Variants in DDX4 observed in about 807,000 individuals in gnomAD.
DDX4 encodes the protein DEAD-box helicase 4, also known as probable ATP-dependent RNA helicase DDX4.
Under a neutral mutation model 100.0 loss-of-function variants are expected in DDX4, and 25 were observed. The observed-to-expected ratio is 0.25, with a 90% CI of 0.18 to 0.35. DDX4 has a LOEUF of 0.35. Ranked by LOEUF, DDX4 falls within the 10% of genes least tolerant of loss-of-function variation. The probability of loss-of-function intolerance (pLI) is 1.00; values close to 1 mark genes in which losing one functional copy is unlikely to be tolerated. For synonymous variants in DDX4, 259 were observed against 275.7 expected, an observed-to-expected ratio of 0.94 and a Z score of 0.60; for missense variants, 635 against 882.4, an observed-to-expected ratio of 0.72 and a Z score of 3.55.
At chr5:55,804,944 C>G (rs1209874897) in intron 18 of DDX4, among the ~76,000 whole-genome samples, 2 of 151,512 alleles carry the variant, frequency 1.3e-5, no homozygotes, top group Admixed American at 6.6e-5. Context: ...ATTGATTCTT[C>G]CTACCCATGA....
At position 55,792,755 on chromosome 5, in the gene DDX4, G is replaced by A. The variant is rs757172816; in HGVS notation, c.1417G>A (p.Glu473Lys). ...TTCTTGCCCAGGAATGCCATCAAAG[G>A]AACAGCGCCAAACCCTTATGTTCAG... ...LISCPGMPSKEQRQTLMFSAT... is the reference protein window; with the variant it reads ...LISCPGMPSKKQRQTLMFSAT... Residue 473 changes from glutamate (E) to lysine (K), a missense_variant, in exon 17 of 22, where the codon GAA becomes AAA. This residue lies in a region of DDX4 where 115 missense variants were observed against 224.7 expected (regional missense o/e 0.51). Transcript: ENST00000505374. 7 of 1,598,922 alleles carry A rather than the reference G, an allele frequency of 4.4e-6. No homozygotes were observed. The highest frequency in any genetic ancestry group is 1.7e-4 in the Middle Eastern group (1 of 6,000).
At chr5:55,800,108 A>G (rs1278915212) in intron 18 of DDX4, among the ~76,000 whole-genome samples, 1 of 152,182 alleles carries the variant, frequency 6.6e-6, no homozygotes, top group Non-Finnish European at 1.5e-5. Context: ...TATGGGCCAC[A>G]TACTGTTCTA....
intron 17 of DDX4, among the ~76,000 whole-genome samples, chr5:55,797,153 A>T (rs1003810448): frequency 7.2e-5 from 11 of 152,132 alleles, no homozygotes; most frequent in Admixed American, 2.6e-4. Context: ...CTCAAACTGG[A>T]GGATTTTTCT....
chr5:55,798,356 GA>G (rs1743092019), intron 17 of DDX4, 69 bp from the exon 18 acceptor site: 2 of 1,503,600 alleles, frequency 1.3e-6, no homozygotes, highest in South Asian at 2.6e-5. Context: ...ACACCTACAG[GA>G]ATTCAGTGGA....
chr5:55,769,869 C>CTTT (rs113402904), intron 7 of DDX4, among the ~76,000 whole-genome samples: 1 of 141,422 alleles, frequency 7.1e-6, no homozygotes. Flanking sequence ...CCTTCTTTTA[C>CTTT]TTTTTTTTTT....
In DDX4 at chr5:55,790,788, A is replaced by G. The variant is rs952821749; in HGVS notation, c.1302+83A>G. The G allele has an allele frequency of 1.3e-4, 156 of 1,231,340 alleles. 2 individuals are homozygous for G. Among genetic ancestry groups the G allele is most frequent in the Middle Eastern group, 9.5e-4 (5 of 5,288 alleles). 76.3% of individuals were successfully genotyped at this position (1,231,340 alleles called of 1,614,324 possible). ...AAAGGAAAGAATGAGGTAAAGACAG[A>G]TGTATTTAGTAGAGCACTATTTATG... On this transcript the variant is annotated intron_variant, in intron 16 of 21. Transcript: ENST00000505374.
At chr5:55,800,482 C>T (rs1433760694) in intron 18 of DDX4, among the ~76,000 whole-genome samples, 1 of 152,020 alleles carries the variant, frequency 6.6e-6, no homozygotes, top group African/African-American at 2.4e-5. Context: ...TGCCACCATA[C>T]CCGGCTAATT....
At chr5:55,797,883 G>A (rs1207300065) in intron 17 of DDX4, among the ~76,000 whole-genome samples, 1 of 152,180 alleles carries the variant, frequency 6.6e-6, no homozygotes, top group African/African-American at 2.4e-5. Flanking sequence ...GCCCAATTGT[G>A]CTATGCAAAT....
chr5:55,793,351 G>A (rs1742714270), intron 17 of DDX4, among the ~76,000 whole-genome samples: 1 of 138,198 alleles, frequency 7.2e-6, no homozygotes, highest in Non-Finnish European at 1.5e-5. Context: ...CCAGGCAACA[G>A]CAGAAGCTTA....
intron 8 of DDX4, 104 bp downstream of exon 8, chr5:55,780,169 T>A: frequency 8.5e-7 from 1 of 1,181,518 alleles, no homozygotes; most frequent in Non-Finnish European, 1.2e-6. Flanking sequence ...TATATGAGAA[T>A]AGCTTAGCTC....
At chr5:55,798,609 A>ATT in intron 18 of DDX4, 38 bp downstream of exon 18, 4 of 1,531,488 alleles carry the variant, frequency 2.6e-6, no homozygotes, top group Admixed American at 2.1e-5. Context: ...CATGATTTTG[A>ATT]TTTTTTTTAA....
chr5:55,800,287 C>G (rs1312471805), intron 18 of DDX4, among the ~76,000 whole-genome samples: 1 of 151,150 alleles, frequency 6.6e-6, no homozygotes, highest in Admixed American at 6.6e-5. Context: ...TATGGTTTTG[C>G]TGAAGTTAGA....
At chr5:55,746,713 C>G (rs775108877) in intron 3 of DDX4, among the ~76,000 whole-genome samples, 1 of 152,146 alleles carries the variant, frequency 6.6e-6, no homozygotes, top group Non-Finnish European at 1.5e-5. Context: ...GAACCCATAT[C>G]CTTCCTGTTG....
intron 18 of DDX4, among the ~76,000 whole-genome samples, chr5:55,802,519 A>C (rs1473704850): frequency 6.6e-6 from 1 of 152,198 alleles, no homozygotes; most frequent in Non-Finnish European, 1.5e-5. Flanking sequence ...ATCAGCTTGC[A>C]TGATTCTGTC....
In DDX4 at chr5:55,795,076, C is replaced by G. The variant is rs563689828; in HGVS notation, c.1469+2269C>G. 2.0e-5 allele frequency among the ~76,000 whole-genome samples: 3 copies of G among 152,150 alleles called. No homozygotes were observed. In the East Asian group the frequency reaches 5.8e-4, roughly 29 times the overall value. On this transcript the variant is annotated intron_variant, in intron 17 of 21. Transcript: ENST00000505374. ...CGCCTCCAGGGTTCAAGCGACTCTC[C>G]TCCCTCAGCCTCCTGAGTGGCTGGG...
chr5:55,773,201 A>T (rs1204171028), intron 7 of DDX4: 1 of 152,378 alleles, frequency 6.6e-6, no homozygotes, highest in Non-Finnish European at 1.5e-5. Context: ...GGATAAGGCC[A>T]GGCAGCTCTC....
Position 55,738,990 on chromosome 5 carries a change from A to C in DDX4, c.27A>C (p.Glu9Asp). The change falls in exon 2 of 22, where the codon GAA (glutamate) becomes GAC (aspartate). Residue 9 changes from glutamate (E) to aspartate (D), a missense_variant. By Grantham distance (45) the Glu-to-Asp change is conservative. Around this residue, in one of 4 missense-constraint regions of DDX4, gnomAD observed 446 missense variants for 540.8 expected, o/e 0.82. Transcript: ENST00000505374. ...TGGGAGATGAAGATTGGGAAGCAGA[A>C]ATCAACCCTCATATGTCTTCCTATG... MGDEDWEA[E>D]INPHMSSYVP... 6.2e-7 allele frequency: 1 copy of C among 1,608,506 alleles called. No individual in the cohort carries two copies. The highest frequency in any genetic ancestry group is 8.5e-7 in the Non-Finnish European group (1 of 1,175,316).
chr5:55,811,403 A>G (rs150859536), intron 18 of DDX4, among the ~76,000 whole-genome samples: 273 of 152,264 alleles, frequency 1.8e-3, no homozygotes, highest in Middle Eastern at 0.01. Context: ...AATAATTTTC[A>G]TGATTATACT....
chr5:55,756,081 G>T (rs906591109), intron 3 of DDX4, among the ~76,000 whole-genome samples: 2 of 152,096 alleles, frequency 1.3e-5, no homozygotes, highest in African/African-American at 2.4e-5. Context: ...TATTCCCTAT[G>T]TAAATATACC....
Sources: gnomAD v4.1 joint callset for allele counts (sites outside exome capture counted in the v4.1 genomes callset) on GRCh38, gnomAD v4.1.1 for gene constraint, gnomAD v4.1.1 regional missense constraint, MANE v1.5 for transcripts, NCBI Gene and HGNC (gene_info 2026-07-23, HGNC 2026-07-21) for gene names.